TBP: variants seen among roughly 807,000 people sequenced by gnomAD.
The protein encoded by TBP is TATA-box binding protein.
In TBP, 12 loss-of-function variants were observed where a neutral mutation model predicts 46.2. The observed-to-expected ratio is 0.26, with a 90% CI of 0.17 to 0.42. TBP has a LOEUF of 0.42. TBP is among the 10% of genes least tolerant of loss of function. TBP has a pLI of 1.00. For missense variants in TBP, 229 were observed against 403.1 expected (o/e 0.57, Z 3.70); for synonymous variants, 157 against 148.3 (o/e 1.06, Z -0.42).
chr6:170,571,594 G>C, intron 7 of TBP, 90 bp downstream of exon 7: 1 of 1,000,988 alleles, frequency 1.0e-6, no homozygotes, highest in Non-Finnish European at 1.5e-6. Flanking sequence ...TCAGTGTTCG[G>C]ACAGTGGGCT....
At chr6:170,560,379 C>G (rs1214425020) in intron 2 of TBP, among the ~76,000 whole-genome samples, 1 of 152,010 alleles carries the variant, frequency 6.6e-6, no homozygotes, top group African/African-American at 2.4e-5. Context: ...GTGGCATGTG[C>G]CTGTAGTCCC....
In TBP at chr6:170,572,801, C is replaced by T. The variant is rs1449364050; in HGVS notation, c.*536C>T. The T allele has an allele frequency of 1.3e-5, 2 of 153,132 alleles. No individual in the cohort carries two copies. The highest frequency in any genetic ancestry group is 2.4e-5 in the African/African-American group (1 of 41,430). The allele number at this position is 153,132 out of a possible 1,614,324, so 9.5% of individuals were successfully genotyped here. On this transcript the variant is annotated 3_prime_UTR_variant, in exon 8 of 8. Coordinates refer to ENST00000392092, the MANE Select transcript of TBP (RefSeq NM_003194.5). ...GTGTTAATGAAAATGAATGGCTGTA[C>T]ATATTTTTTTCTTTCTTCAGAGTAC...
intron 6 of TBP, among the ~76,000 whole-genome samples, chr6:170,570,124 A>C (rs1779342983): frequency 6.6e-6 from 1 of 152,118 alleles, no homozygotes. Flanking sequence ...CTTCTCTTTT[A>C]GTCAACATTG....
At chr6:170,569,860 A>G (rs1779339013) in intron 6 of TBP, 81 bp downstream of exon 6, 16 of 1,330,748 alleles carry the variant, frequency 1.2e-5, no homozygotes, top group Non-Finnish European at 1.7e-5. Flanking sequence ...AACACATGCA[A>G]AATATTCAGT....
At chr6:170,568,749 G>C (rs532625449) in intron 5 of TBP, among the ~76,000 whole-genome samples, 1 of 102,934 alleles carries the variant, frequency 9.7e-6, no homozygotes, top group African/African-American at 3.9e-5. Context: ...CACCGTGCCC[G>C]ACCTGCCTGC....
At position 170,571,510 on chromosome 6, in the gene TBP, T is replaced by C. The variant is rs1212132193; in HGVS notation, c.940+6T>C. The C allele has an allele frequency of 6.3e-7, 1 of 1,594,534 alleles. No individual in the cohort carries two copies. Among genetic ancestry groups the C allele is most frequent in the East Asian group, 2.2e-5 (1 of 44,792 alleles). ...TGGAAAAGTTGTATTAACAGGTAAG[T>C]TGTAACAGGAAGTAGTATCTGAAAG... is the stretch of plus-strand genomic sequence containing the variant. On this transcript the variant is annotated splice_donor_region_variant and intron_variant, in intron 7 of 7. Transcript: ENST00000392092.
chr6:170,566,883 A>G, intron 4 of TBP, 35 bp from the exon 5 acceptor site: 1 of 1,599,700 alleles, frequency 6.3e-7, no homozygotes, highest in Non-Finnish European at 8.6e-7. Context: ...GCAGTTTGGC[A>G]TGACCTCACT....
chr6:170,569,869 G>A, intron 6 of TBP, 90 bp downstream of exon 6: 2 of 1,227,988 alleles, frequency 1.6e-6, no homozygotes, highest in Non-Finnish European at 2.3e-6. Flanking sequence ...AAAATATTCA[G>A]TATATGAGAA....
At position 170,564,539 on chromosome 6, in the gene TBP, T is replaced by C. The variant is rs1361325433; in HGVS notation, c.498-6T>C. On this transcript the variant is annotated splice_region_variant and splice_polypyrimidine_tract_variant and intron_variant, in intron 3 of 7. Coordinates refer to ENST00000392092, the MANE Select transcript of TBP (RefSeq NM_003194.5). ...TAGTCGTGTTTTCTTTTTAAATCTC[T>C]TACAGAAATATTGTATCCACAGTGA... The C allele has an allele frequency of 1.3e-6, 2 of 1,588,850 alleles. No individual in the cohort carries two copies. Among genetic ancestry groups the C allele is most frequent in the Non-Finnish European group, 1.7e-6 (2 of 1,168,266 alleles).
intron 5 of TBP, among the ~76,000 whole-genome samples, chr6:170,568,583 T>C (rs932871882): frequency 1.3e-5 from 2 of 151,820 alleles, no homozygotes. Context: ...GCCTCCCGAG[T>C]AGCAGAGACT....
rs776907521 is a variant in TBP at position 170,567,023 on chromosome 6, A to G, written c.677+14A>G. The G allele has an allele frequency of 1.2e-6, 2 of 1,608,966 alleles. No homozygotes were observed. The highest frequency in any genetic ancestry group is 4.5e-5 in the East Asian group (2 of 44,824). On this transcript the variant is annotated intron_variant, in intron 5 of 7. Coordinates refer to ENST00000392092, the MANE Select transcript of TBP (RefSeq NM_003194.5). ...AGGAGCCAAGAGGTAGCCGTAAGAAATTCATTCTTCTGGTCTATGGGTTAT... is the reference window on the plus strand; with the variant it reads ...AGGAGCCAAGAGGTAGCCGTAAGAAGTTCATTCTTCTGGTCTATGGGTTAT...
rs972793224 is a variant in TBP at position 170,571,753 on chromosome 6, C to T, written c.940+249C>T. Among the ~76,000 whole-genome samples the T allele has an allele frequency of 3.3e-5, 5 of 152,100 alleles. No homozygotes were observed. The Middle Eastern group carries it at 0.01, about 310-fold the overall frequency. ...GAGCATTGCATTGAACAAAAGATGG[C>T]GTTTTCACTTGGAATTAGTTATCTG... is the stretch of plus-strand genomic sequence containing the variant. On this transcript the variant is annotated intron_variant, in intron 7 of 7. Coordinates refer to ENST00000392092, the MANE Select transcript of TBP (RefSeq NM_003194.5).
chr6:170,560,840 C>A (rs1368770551), intron 2 of TBP, among the ~76,000 whole-genome samples: 1 of 152,156 alleles, frequency 6.6e-6, no homozygotes, highest in Non-Finnish European at 1.5e-5. Context: ...AAAGTGGTTT[C>A]TTGAGATAGA....
intron 2 of TBP, 22 bp downstream of exon 2, chr6:170,557,105 A>G: frequency 6.2e-7 from 1 of 1,609,678 alleles, no homozygotes; most frequent in Non-Finnish European, 8.5e-7. Context: ...GGAGGGAGAG[A>G]ATAGGGAGGG....
intron 5 of TBP, among the ~76,000 whole-genome samples, chr6:170,569,282 T>C (rs1019863638): frequency 6.6e-6 from 1 of 152,254 alleles, no homozygotes; most frequent in African/African-American, 2.4e-5. Flanking sequence ...AAATGAAGTT[T>C]GTTAGTTTTC....
At chr6:170,559,385 G>A (rs1779096749) in intron 2 of TBP, among the ~76,000 whole-genome samples, 1 of 152,134 alleles carries the variant, frequency 6.6e-6, no homozygotes, top group Non-Finnish European at 1.5e-5. Flanking sequence ...GTTCTTAAAG[G>A]AAATTAGAAG....
intron 2 of TBP, among the ~76,000 whole-genome samples, chr6:170,561,552 T>G (rs547682833): frequency 1.3e-5 from 2 of 152,272 alleles, no homozygotes; most frequent in East Asian, 3.9e-4. Flanking sequence ...AGAACAGAAG[T>G]TTTTAATTTT....
chr6:170,569,475 C>G (rs1779333109), intron 5 of TBP, 137 bp from the exon 6 acceptor site: 1 of 639,074 alleles, frequency 1.6e-6, no homozygotes, highest in Non-Finnish European at 2.5e-6. Context: ...GCCTGTCAGT[C>G]TTTTCTCCTA....
chr6:170,559,657 A>C (rs12203550), intron 2 of TBP, among the ~76,000 whole-genome samples: 6,655 of 152,336 alleles, frequency 0.044, 181 homozygotes, highest in Middle Eastern at 0.085. Flanking sequence ...ATAAAAATGC[A>C]ACATGAAGCA....
Sources: gnomAD v4.1 joint callset for allele counts (sites outside exome capture counted in the v4.1 genomes callset) on GRCh38, gnomAD v4.1.1 for gene constraint, MANE v1.5 for transcripts, NCBI Gene and HGNC (gene_info 2026-07-23, HGNC 2026-07-21) for gene names.